The following SYBU variants were observed in gnomAD, a reference collection of about 807,000 sequenced individuals.
The protein encoded by SYBU is GOLSYN A protein.
SYBU carries 21 observed loss-of-function variants against 35.9 expected under a neutral mutation model. That is an observed-to-expected ratio of 0.58 (90% CI 0.41 to 0.84). The LOEUF is 0.84. SYBU is among the 40% of genes least tolerant of loss of function. The pLI, the probability that SYBU is intolerant of heterozygous loss-of-function variation, is 0.00. For synonymous variants in SYBU, 319 were observed against 324.3 expected (o/e 0.98, Z 0.18); for missense variants, 768 against 848.2 (o/e 0.91, Z 1.17).
At chr8:109,680,638 G>A (rs768915075) in intron 1 of SYBU, 17 of 148,552 alleles carry the variant, frequency 1.1e-4, no homozygotes, top group Non-Finnish European at 1.8e-4. Flanking sequence ...ATATTTTTAC[G>A]ACAAATCTTT....
chr8:109,587,847 T>G (rs946989340), intron 3 of SYBU, among the ~76,000 whole-genome samples: 1 of 152,188 alleles, frequency 6.6e-6, no homozygotes, highest in African/African-American at 2.4e-5. Context: ...TTATCAGAAC[T>G]GAGACCAGCT....
chr8:109,649,638 T>C (rs1816034141), upstream of SYBU, among the ~76,000 whole-genome samples: 1 of 152,220 alleles, frequency 6.6e-6, no homozygotes, highest in African/African-American at 2.4e-5. Flanking sequence ...TGATGCCTTA[T>C]GGGAGAGCAG....
upstream of SYBU, chr8:109,645,093 C>CTTT: frequency 2.5e-6 from 1 of 401,342 alleles, no homozygotes; most frequent in African/African-American, 2.1e-5. Flanking sequence ...ACCCCACCCT[C>CTTT]TTTTTTTTTT....
intron 3 of SYBU, among the ~76,000 whole-genome samples, chr8:109,617,857 G>C (rs1811985180): frequency 6.6e-6 from 1 of 152,200 alleles, no homozygotes; most frequent in Non-Finnish European, 1.5e-5. Flanking sequence ...GCAAGATGAA[G>C]AATAATCCAT....
intron 3 of SYBU, among the ~76,000 whole-genome samples, chr8:109,615,120 C>T (rs1373158103): frequency 6.6e-6 from 1 of 152,126 alleles, no homozygotes; most frequent in Non-Finnish European, 1.5e-5. Flanking sequence ...GTTCCAGAAT[C>T]TAGAGCAAGA....
upstream of SYBU, among the ~76,000 whole-genome samples, chr8:109,682,848 A>C (rs1289484433): frequency 2.0e-5 from 3 of 152,212 alleles, no homozygotes; most frequent in Non-Finnish European, 2.9e-5. Flanking sequence ...GCCTCAGGAC[A>C]TGGTGCTCTG....
intron 3 of SYBU, among the ~76,000 whole-genome samples, chr8:109,599,904 C>T (rs896378222): frequency 5.9e-5 from 9 of 152,208 alleles, no homozygotes; most frequent in Non-Finnish European, 1.5e-5. Context: ...AGCCTCTAGA[C>T]TCCCAGCTTT....
At chr8:109,607,478 T>C (rs1227327342) in intron 3 of SYBU, among the ~76,000 whole-genome samples, 5 of 152,312 alleles carry the variant, frequency 3.3e-5, no homozygotes, top group South Asian at 4.1e-4. Context: ...CTTCAAACTA[T>C]GTGCAGTGCC....
upstream of SYBU, among the ~76,000 whole-genome samples, chr8:109,649,583 G>A (rs530003759): frequency 2.0e-5 from 3 of 152,288 alleles, no homozygotes; most frequent in East Asian, 5.8e-4. Context: ...AAGAGGCAGA[G>A]GTTGGGGGCT....
rs567583887 is a variant in SYBU, at chr8:109,635,283, T to C, written c.229+7445A>G. Among the ~76,000 whole-genome samples, 13 of 152,344 alleles carry C rather than the reference T, an allele frequency of 8.5e-5. No individual in the cohort carries two copies. In the East Asian group the frequency reaches 2.5e-3, roughly 29 times the overall value. ...ATCTTGCGGTGATACCTAAACCTCT[T>C]GGCTACCTACTTCTTGAAACTCTTT... On this transcript the variant is annotated intron_variant, in intron 2 of 6. Coordinates refer to ENST00000276646, the MANE Select transcript of SYBU (RefSeq NM_001099754.2).
At chr8:109,597,127 T>C (rs1399519140) in intron 3 of SYBU, among the ~76,000 whole-genome samples, 1 of 152,160 alleles carries the variant, frequency 6.6e-6, no homozygotes, top group Non-Finnish European at 1.5e-5. Flanking sequence ...GAGTTTGGCT[T>C]AGGTCACTTC....
intron 3 of SYBU, among the ~76,000 whole-genome samples, chr8:109,616,982 A>C (rs1316120514): frequency 1.3e-5 from 2 of 152,054 alleles, no homozygotes; most frequent in African/African-American, 4.8e-5. Context: ...CTACTAAAAA[A>C]AAAAGTAGCC....
intron 2 of SYBU, among the ~76,000 whole-genome samples, chr8:109,637,637 A>T (rs1814375074): frequency 6.6e-6 from 1 of 152,058 alleles, no homozygotes; most frequent in Admixed American, 6.6e-5. Flanking sequence ...ATAATTTGGA[A>T]TTGCAGCTCA....
At chr8:109,628,944 T>A (rs7813979) in intron 2 of SYBU, among the ~76,000 whole-genome samples, 52,912 of 152,032 alleles carry the variant, frequency 0.35, 11,351 homozygotes, top group African/African-American at 0.6. Flanking sequence ...TGAAGAGGTC[T>A]TTTGACCCTA....
chr8:109,676,275 A>C (rs1340594019), intron 1 of SYBU, among the ~76,000 whole-genome samples: 1 of 152,214 alleles, frequency 6.6e-6, no homozygotes, highest in African/African-American at 2.4e-5. Flanking sequence ...TAGTGTTGGA[A>C]GTTATGGCTG....
rs1399389046 is a variant in SYBU, at chr8:109,691,581, C to A, written c.-306G>T. The A allele has an allele frequency of 4.6e-6, 2 of 435,130 alleles. No individual in the cohort carries two copies. The highest frequency in any genetic ancestry group is 7.6e-5 in the East Asian group (2 of 26,222). 27.0% of individuals were successfully genotyped at this position (435,130 alleles called of 1,614,324 possible). On this transcript the variant is annotated 5_prime_UTR_variant, in exon 1 of 8. Coordinates refer to the SYBU transcript ENST00000422135. This position sits in a 1 kb window ranked among gnomAD's most constrained non-coding sequence, Gnocchi z 4.7. ...CCCTCGGCCTCTGCAGCCAGCCGGG[C>A]GGCTGCTGGGGCTGAGGACAAAATG... is the stretch of plus-strand genomic sequence containing the variant.
chr8:109,688,737 A>T (rs1469993348), intron 1 of SYBU, among the ~76,000 whole-genome samples: 4 of 151,660 alleles, frequency 2.6e-5, no homozygotes, highest in Non-Finnish European at 5.9e-5. Context: ...AAGAAGAAGG[A>T]TGCAGACTCA....
chr8:109,655,150 C>T (rs775082140), intron 1 of SYBU, among the ~76,000 whole-genome samples: 5 of 152,196 alleles, frequency 3.3e-5, no homozygotes, highest in African/African-American at 1.2e-4. Flanking sequence ...CCGCCTTTGA[C>T]GTTCACAAAT....
intron 1 of SYBU, among the ~76,000 whole-genome samples, chr8:109,660,361 G>A (rs1019133354): frequency 3.9e-5 from 6 of 152,090 alleles, no homozygotes; most frequent in Non-Finnish European, 5.9e-5. Flanking sequence ...CTTTTGAACT[G>A]TGTATTTACG....
Sources: gnomAD v4.1 joint callset for allele counts (sites outside exome capture counted in the v4.1 genomes callset) on GRCh38, gnomAD v4.1.1 for gene constraint, Gnocchi (gnomAD v3.1) non-coding constraint, MANE v1.5 for transcripts, NCBI Gene and HGNC (gene_info 2026-07-23, HGNC 2026-07-21) for gene names.